CCDC141: variants seen among roughly 807,000 people sequenced by gnomAD.
CCDC141 encodes the protein coiled-coil domain containing 141, also known as coiled-coil domain-containing protein 141.
Under a neutral mutation model 181.0 loss-of-function variants are expected in CCDC141, and 168 were observed. The observed-to-expected ratio is 0.93, with a 90% CI of 0.82 to 1.05. The LOEUF (loss-of-function observed/expected upper bound fraction) is 1.05. Among genes scored for constraint, CCDC141 ranks in the 50% least tolerant of loss-of-function variants. CCDC141 has a pLI of 0.00. For missense variants in CCDC141, 1,902 were observed against 1,788.5 expected (o/e 1.06, Z -1.14); for synonymous variants, 666 against 642.3 (o/e 1.04, Z -0.56).
At chr2:178,938,722 A>T (rs1189961169) in intron 6 of CCDC141, among the ~76,000 whole-genome samples, 8 of 152,016 alleles carry the variant, frequency 5.3e-5, no homozygotes, top group African/African-American at 1.7e-4. Flanking sequence ...TATTGTCACA[A>T]ATATTTTCTA....
In CCDC141 at chr2:178,884,982, T is replaced by C; in HGVS notation, c.1638A>G (p.Glu546=). The C allele has an allele frequency of 3.9e-6, 6 of 1,550,494 alleles. No individual in the cohort carries two copies. Among genetic ancestry groups the C allele is most frequent in the Non-Finnish European group, 5.2e-6 (6 of 1,146,890 alleles). ...LSSKARWLAE[E]LNLFGQSIDY... is the part of the protein sequence containing the mutation. ...CAATGCTTTGGCCAAATAGGTTTAA[T>C]TCTTCTGCTAGCCATCTAGCTTTAG... Residue 546 remains glutamate (E), a synonymous_variant, in exon 11 of 24, where the codon GAA becomes GAG. Coordinates refer to ENST00000443758, the MANE Select transcript of CCDC141 (RefSeq NM_173648.4).
intron 15 of CCDC141, 49 bp from the exon 16 acceptor site, chr2:178,868,254 A>T (rs575633933): frequency 0.026 from 37,205 of 1,424,962 alleles, 1,427 homozygotes; most frequent in Admixed American, 0.16. Context: ...ATGAAGACAA[A>T]TTTTTTTTTA....
chr2:178,838,677 A>G (rs1477446893), intron 22 of CCDC141, among the ~76,000 whole-genome samples: 2 of 152,192 alleles, frequency 1.3e-5, no homozygotes, highest in African/African-American at 2.4e-5. Context: ...TGGAGGAGCC[A>G]GATATTAATG....
chr2:178,888,904 C>G (rs1687015311), intron 8 of CCDC141, among the ~76,000 whole-genome samples: 1 of 152,172 alleles, frequency 6.6e-6, no homozygotes, highest in Non-Finnish European at 1.5e-5. Flanking sequence ...AAGGTCTAAT[C>G]TTCTTTTCTA....
At chr2:178,824,617 CAAAAAAAAA>C in the CCDC141 span, among the ~76,000 whole-genome samples, 34 of 52,292 alleles carry the variant, frequency 6.5e-4, 1 homozygote, top group Non-Finnish European at 8.6e-4. Context: ...GAGACTTCGT[CAAAAAAAAA>C]AAAAAAAAAA....
At chr2:178,893,728 C>T (rs368284111) in intron 8 of CCDC141, among the ~76,000 whole-genome samples, 2 of 151,466 alleles carry the variant, frequency 1.3e-5, no homozygotes, top group African/African-American at 4.8e-5. Context: ...GCATATGTTT[C>T]TACAATAAAT....
chr2:178,886,057 C>A (rs1012382957), intron 10 of CCDC141, among the ~76,000 whole-genome samples: 1 of 151,966 alleles, frequency 6.6e-6, no homozygotes, highest in Admixed American at 6.6e-5. Flanking sequence ...CCCAATTTAA[C>A]AAAAAAATGG....
chr2:178,821,424 C>T, the CCDC141 span, among the ~76,000 whole-genome samples: 3 of 152,142 alleles, frequency 2.0e-5, no homozygotes, highest in Non-Finnish European at 4.4e-5. Context: ...TGGCCCCAAA[C>T]ACCAAGTGCT....
chr2:178,954,087 TTGTC>T (rs749032900), intron 5 of CCDC141, among the ~76,000 whole-genome samples: 2 of 152,200 alleles, frequency 1.3e-5, no homozygotes, highest in African/African-American at 2.4e-5. Context: ...TAAAAAGAGA[TTGTC>T]TGCCCTCATG....
intron 20 of CCDC141, among the ~76,000 whole-genome samples, chr2:178,853,189 G>C (rs1164378119): frequency 1.2e-4 from 18 of 152,196 alleles, no homozygotes; most frequent in Admixed American, 1.2e-3. Flanking sequence ...GGATGGAGGA[G>C]AAAAGAGAAT....
At chr2:178,994,364 G>A (rs1015048133) in intron 2 of CCDC141, among the ~76,000 whole-genome samples, 1 of 152,208 alleles carries the variant, frequency 6.6e-6, no homozygotes, top group African/African-American at 2.4e-5. Context: ...AGCTGCCAAG[G>A]TTTCAGGTTT....
intron 12 of CCDC141, chr2:178,877,686 T>C (rs1447689912): frequency 1.1e-5 from 5 of 459,974 alleles, no homozygotes; most frequent in Non-Finnish European, 1.9e-5. Context: ...TTGGGTGGAC[T>C]TCTGAGGACT....
intron 2 of CCDC141, among the ~76,000 whole-genome samples, chr2:178,982,732 C>A (rs1295266326): frequency 6.6e-6 from 1 of 152,156 alleles, no homozygotes; most frequent in Non-Finnish European, 1.5e-5. Flanking sequence ...CGGGTCACTC[C>A]CACCCGAATA....
intron 6 of CCDC141, among the ~76,000 whole-genome samples, chr2:178,933,543 A>G (rs573392315): frequency 6.6e-6 from 1 of 152,314 alleles, no homozygotes; most frequent in East Asian, 1.9e-4. Flanking sequence ...TAAGCCTTAA[A>G]GATGGAGATT....
In CCDC141 at chr2:178,961,502, GA is replaced by G; in HGVS notation, c.527-20del. The G allele has an allele frequency of 1.3e-6, 2 of 1,523,554 alleles. No homozygotes were observed. Among genetic ancestry groups the G allele is most frequent in the Non-Finnish European group, 1.8e-6 (2 of 1,132,002 alleles). 94.4% of individuals were successfully genotyped at this position (1,523,554 alleles called of 1,614,324 possible). On this transcript the variant is annotated intron_variant, in intron 4 of 23. Coordinates refer to ENST00000443758, the MANE Select transcript of CCDC141 (RefSeq NM_173648.4). The stretch of plus-strand genomic sequence containing the variant: ...AAGAGTTCTAGAAGAAAATTAGAAA[GA>G]AAAAAGAATAATGATATTAGCAAGC...
chr2:179,047,874 T>C (rs2043550456), intron 1 of CCDC141, among the ~76,000 whole-genome samples: 1 of 152,228 alleles, frequency 6.6e-6, no homozygotes, highest in African/African-American at 2.4e-5. Context: ...TGTCTTTACA[T>C]TGGCCTTGCT....
intron 6 of CCDC141, among the ~76,000 whole-genome samples, chr2:178,923,451 A>G (rs1482098250): frequency 6.6e-6 from 1 of 151,996 alleles, no homozygotes; most frequent in African/African-American, 2.4e-5. Flanking sequence ...ATTTGAATCC[A>G]TCACACTATT....
intron 12 of CCDC141, chr2:178,873,269 A>G (rs978518497): frequency 1.4e-5 from 2 of 143,930 alleles, no homozygotes; most frequent in Non-Finnish European, 3.0e-5. Flanking sequence ...TTTTTATGTT[A>G]TTTTACACAT....
chr2:178,968,149 C>T (rs1251801506), intron 4 of CCDC141, among the ~76,000 whole-genome samples: 1 of 152,182 alleles, frequency 6.6e-6, no homozygotes, highest in Non-Finnish European at 1.5e-5. Flanking sequence ...GACACTTTAA[C>T]ACCCCACTGT....
Sources: gnomAD v4.1 joint callset for allele counts (sites outside exome capture counted in the v4.1 genomes callset) on GRCh38, gnomAD v4.1.1 for gene constraint, MANE v1.5 for transcripts, NCBI Gene and HGNC (gene_info 2026-07-23, HGNC 2026-07-21) for gene names.